The following FAT3 variants were observed in gnomAD, a reference collection of about 807,000 sequenced individuals.
FAT3 encodes the protein FAT atypical cadherin 3, also known as protocadherin Fat 3.
A neutral mutation model predicts 310.2 loss-of-function variants in FAT3; 95 were observed. That is an observed-to-expected ratio of 0.31 (90% CI 0.26 to 0.36). The LOEUF is 0.36. FAT3 is among the 10% of genes least tolerant of loss of function. The probability of loss-of-function intolerance (pLI) is 1.00; values close to 1 mark genes in which losing one functional copy is unlikely to be tolerated. For synonymous variants in FAT3, 2,314 were observed against 2,192.9 expected (o/e 1.06, Z -1.54); for missense variants, 5,408 against 5,715.6 (o/e 0.95, Z 1.74).
rs939951661 is a variant in FAT3, at chr11:92,840,165, C to G, written c.10369-397C>G. ...GGGCCTCAGCATAATTGTGTTGTGA[C>G]ATGTGTGTGTGAGGAAGTGCCTCCC... On this transcript the variant is annotated intron_variant, in intron 17 of 27. Coordinates refer to ENST00000525166, the MANE Select transcript of FAT3 (RefSeq NM_001367949.2). 3.3e-5 allele frequency among the ~76,000 whole-genome samples: 5 copies of G among 152,174 alleles called. No individual in the cohort carries two copies. In the East Asian group the frequency reaches 9.6e-4, roughly 29 times the overall value.
At chr11:92,365,333 G>C (rs1038538810) in intron 2 of FAT3, among the ~76,000 whole-genome samples, 1 of 152,110 alleles carries the variant, frequency 6.6e-6, no homozygotes, top group African/African-American at 2.4e-5. Context: ...TACCCTAAAA[G>C]ATATGGCAAA....
chr11:92,289,788 C>CTGGT (rs1271698921), intron 1 of FAT3, among the ~76,000 whole-genome samples: 1 of 152,048 alleles, frequency 6.6e-6, no homozygotes, highest in African/African-American at 2.4e-5. Flanking sequence ...AGCCTCTTTA[C>CTGGT]TGGTCTCTTT....
chr11:92,593,782 C>T (rs924565971), intron 3 of FAT3, among the ~76,000 whole-genome samples: 2 of 152,150 alleles, frequency 1.3e-5, no homozygotes, highest in Non-Finnish European at 1.5e-5. Context: ...AATCTCTTAT[C>T]GGAATGCATG....
intron 3 of FAT3, among the ~76,000 whole-genome samples, chr11:92,596,010 T>C (rs1939688835): frequency 6.6e-6 from 1 of 152,172 alleles, no homozygotes; most frequent in Non-Finnish European, 1.5e-5. Context: ...TGGAGGGGAT[T>C]GGAGTGACAG....
intron 11 of FAT3, among the ~76,000 whole-genome samples, chr11:92,806,063 G>T (rs890615678): frequency 3.3e-5 from 5 of 152,162 alleles, no homozygotes; most frequent in Non-Finnish European, 7.3e-5. Flanking sequence ...TGTGTGTTAT[G>T]GTTCCACAAG....
At chr11:92,734,549 G>A (rs762501622) in intron 4 of FAT3, among the ~76,000 whole-genome samples, 3 of 152,046 alleles carry the variant, frequency 2.0e-5, no homozygotes, top group South Asian at 2.1e-4. Context: ...AGATAATGTC[G>A]GTTGGTTATC....
At chr11:92,697,576 C>A in intron 4 of FAT3, 131 bp downstream of exon 4, 1 of 926,150 alleles carries the variant, frequency 1.1e-6, no homozygotes, top group Non-Finnish European at 1.7e-6. Context: ...TCTTGGGCTG[C>A]TATGTTCTGA....
At chr11:92,609,200 ACTTGGACAC>A in intron 3 of FAT3, among the ~76,000 whole-genome samples, 1 of 152,214 alleles carries the variant, frequency 6.6e-6, no homozygotes, top group Admixed American at 6.5e-5. Context: ...ACTCTAGTGA[ACTTGGACAC>A]TTTTGCTCCA....
intron 1 of FAT3, among the ~76,000 whole-genome samples, chr11:92,234,735 C>G (rs2134237312): frequency 6.6e-6 from 1 of 152,126 alleles, no homozygotes; most frequent in South Asian, 2.1e-4. Flanking sequence ...AACCGTATCT[C>G]TACTAAAAAT....
intron 13 of FAT3, among the ~76,000 whole-genome samples, chr11:92,825,064 T>TA (rs982202919): frequency 6.6e-6 from 1 of 152,226 alleles, no homozygotes; most frequent in Non-Finnish European, 1.5e-5. Flanking sequence ...TGTTAAATAT[T>TA]AAAAAACTAA....
intron 2 of FAT3, among the ~76,000 whole-genome samples, chr11:92,443,753 T>TAATGA (rs569268314): frequency 1.7e-3 from 258 of 152,150 alleles, no homozygotes; most frequent in African/African-American, 5.9e-3. Context: ...TGTCATGGTG[T>TAATGA]AATGAAAATA....
At chr11:92,867,325 C>T (rs1565663596) in intron 22 of FAT3, 116 bp downstream of exon 22, 3 of 1,066,724 alleles carry the variant, frequency 2.8e-6, no homozygotes, top group Non-Finnish European at 1.3e-6. Flanking sequence ...AGTATTCACA[C>T]CCAAGATGCT....
chr11:92,582,131 G>T (rs1318014363), intron 3 of FAT3, among the ~76,000 whole-genome samples: 17 of 151,872 alleles, frequency 1.1e-4, no homozygotes, highest in Admixed American at 1.1e-3. Context: ...ACTGGTGGGA[G>T]TATAACAGTG....
In FAT3 at chr11:92,801,071, A is replaced by G; in HGVS notation, c.8058A>G (p.Pro2686=). ...TCAAAGCAGTAGATGGGGGCATCCC[A>G]GTAAAGCACTCCCTCATTCCTGTCT... ...FFVKAVDGGI[P]VKHSLIPVYI... Residue 2686 remains proline, a synonymous_variant, in exon 10 of 28, where the codon CCA becomes CCG. Transcript: ENST00000525166. The G allele has an allele frequency of 1.2e-6, 2 of 1,613,948 alleles. No individual in the cohort carries two copies. Among genetic ancestry groups the G allele is most frequent in the Non-Finnish European group, 1.7e-6 (2 of 1,179,864 alleles).
chr11:92,733,235 C>T (rs1320691170), intron 4 of FAT3, among the ~76,000 whole-genome samples: 1 of 152,190 alleles, frequency 6.6e-6, no homozygotes. Flanking sequence ...CCACTTAATA[C>T]ATGAGTAAAA....
At chr11:92,832,960 C>T (rs1331568974) in intron 14 of FAT3, among the ~76,000 whole-genome samples, 1 of 152,186 alleles carries the variant, frequency 6.6e-6, no homozygotes, top group African/African-American at 2.4e-5. Context: ...CTCACCACAT[C>T]CTTTTCCAAC....
rs1206412038 is a variant in FAT3 at position 92,354,701 on chromosome 11, T to C, written c.2589T>C (p.Asn863=). The part of the protein sequence containing the change: ...VEARDKDLGS[N]GEVTYSVLTD... ...CCAGAGACAAAGACTTAGGTTCTAA[T>C]GGTGAAGTGACTTACTCAGTCTTGA... Residue 863 remains asparagine, a synonymous_variant, in exon 2 of 28, where the codon AAT becomes AAC. Transcript: ENST00000525166. The C allele has an allele frequency of 1.9e-6, 3 of 1,613,894 alleles. No individual in the cohort carries two copies. Among genetic ancestry groups the C allele is most frequent in the Non-Finnish European group, 2.5e-6 (3 of 1,179,854 alleles).
At chr11:92,527,528 C>A (rs553498956) in intron 3 of FAT3, among the ~76,000 whole-genome samples, 1 of 152,258 alleles carries the variant, frequency 6.6e-6, no homozygotes, top group Non-Finnish European at 1.5e-5. Context: ...GTCTGAATGT[C>A]ATCATGATGT....
chr11:92,533,272 C>T (rs1954140840), intron 3 of FAT3, among the ~76,000 whole-genome samples: 2 of 152,110 alleles, frequency 1.3e-5, no homozygotes, highest in African/African-American at 2.4e-5. Flanking sequence ...AAGCAATCCT[C>T]CCATCTTCCC....
Sources: allele counts gnomAD v4.1 joint callset (sites outside exome capture counted in the v4.1 genomes callset), GRCh38; gene constraint gnomAD v4.1.1; transcripts MANE v1.5; gene names NCBI Gene and HGNC (gene_info 2026-07-23, HGNC 2026-07-21).